MTNR1A: variants seen among roughly 807,000 people sequenced by gnomAD.
MTNR1A encodes the protein melatonin receptor type 1A.
Under a neutral mutation model 5.5 loss-of-function variants are expected in MTNR1A, and 7 were observed. The ratio of observed to expected loss-of-function variants is 1.28; its 90% CI spans 0.73 to 2.40. MTNR1A has a LOEUF of 2.40. MTNR1A is among the 30% of genes most tolerant of loss of function. MTNR1A has a pLI of 0.00. For synonymous variants in MTNR1A, 196 were observed against 202.7 expected (o/e 0.97, Z 0.28); for missense variants, 441 against 464.4 (o/e 0.95, Z 0.46).
chr4:186,548,666 T>C (rs1331310082), intron 1 of MTNR1A, among the ~76,000 whole-genome samples: 2 of 151,600 alleles, frequency 1.3e-5, no homozygotes. Context: ...ACTTGCCCTA[T>C]GTCACACGCA....
At chr4:186,546,873 C>T (rs1250931001) in intron 1 of MTNR1A, among the ~76,000 whole-genome samples, 6 of 142,126 alleles carry the variant, frequency 4.2e-5, no homozygotes, top group Admixed American at 2.7e-4. Flanking sequence ...ACCGTCCACA[C>T]CACACCCTGT....
chr4:186,546,122 G>A (rs1293676436), intron 1 of MTNR1A, among the ~76,000 whole-genome samples: 1 of 152,140 alleles, frequency 6.6e-6, no homozygotes, highest in Non-Finnish European at 1.5e-5. Context: ...AGCTGCTTAG[G>A]GCCGTGGTGA....
At chr4:186,542,170 A>G (rs1314114572) in intron 1 of MTNR1A, among the ~76,000 whole-genome samples, 1 of 152,186 alleles carries the variant, frequency 6.6e-6, no homozygotes, top group Non-Finnish European at 1.5e-5. Flanking sequence ...TGGAGATAAC[A>G]CCAGCGGAGC....
In MTNR1A at chr4:186,555,285, C is replaced by T. The variant is rs1179221602; in HGVS notation, c.81G>A (p.Ala27=). The part of the protein sequence containing the change: ...RGDGARPSWL[A]SALACVLIFT... ...AGATGAGGACGCAGGCCAGGGCGGA[C>T]GCCAGCCACGAGGGCCGCGCGCCGT... The change falls in exon 1 of 2, where the codon GCG becomes GCA. Residue 27 remains alanine, a synonymous_variant. Transcript: ENST00000307161. The surrounding 1 kb of genome is among the most constrained non-coding windows in gnomAD (Gnocchi z 4.1). The T allele has an allele frequency of 1.9e-6, 3 of 1,549,650 alleles. No homozygotes were observed. In the Admixed American group the frequency reaches 5.9e-5, roughly 30 times the overall value.
At chr4:186,534,817 T>C (rs116240639) in intron 1 of MTNR1A, among the ~76,000 whole-genome samples, 3,128 of 152,284 alleles carry the variant, frequency 0.021, 53 homozygotes, top group Non-Finnish European at 0.028. Context: ...TTTCAAACCG[T>C]TCGGCTTCTC....
At chr4:186,547,973 C>T (rs1398779582) in intron 1 of MTNR1A, among the ~76,000 whole-genome samples, 1 of 152,214 alleles carries the variant, frequency 6.6e-6, no homozygotes, top group South Asian at 2.1e-4. Context: ...ATCCACAGTA[C>T]AGCCTGACTG....
rs909680217 is a variant in MTNR1A at position 186,555,413 on chromosome 4, C to T, written c.-48G>A. On this transcript the variant is annotated 5_prime_UTR_variant, in exon 1 of 2. Coordinates refer to ENST00000307161, the MANE Select transcript of MTNR1A (RefSeq NM_005958.4). This position sits in a 1 kb window ranked among gnomAD's most constrained non-coding sequence, Gnocchi z 4.1. ...GCGGGGCCATCGCCCGCCTCGTCCG[C>T]CCGCCCGACCACTTGTTAAGGCTCC... 8.2e-6 allele frequency: 11 copies of T among 1,335,324 alleles called. No homozygotes were observed. The African/African-American group carries it at 1.7e-4, about 21-fold the overall frequency. 82.7% of individuals were successfully genotyped at this position (1,335,324 alleles called of 1,614,324 possible).
chr4:186,542,248 G>A (rs1737041748), intron 1 of MTNR1A, among the ~76,000 whole-genome samples: 1 of 152,174 alleles, frequency 6.6e-6, no homozygotes, highest in African/African-American at 2.4e-5. Flanking sequence ...CATCATCAAA[G>A]GGAGCAGTGG....
chr4:186,543,314 G>A (rs186170285), intron 1 of MTNR1A, among the ~76,000 whole-genome samples: 3 of 152,312 alleles, frequency 2.0e-5, no homozygotes, highest in African/African-American at 7.2e-5. Flanking sequence ...CATGCCCTGG[G>A]ATTGAAGCCA....
chr4:186,548,846 T>C (rs1341224767), intron 1 of MTNR1A, among the ~76,000 whole-genome samples: 15 of 50,280 alleles, frequency 3.0e-4, no homozygotes, highest in South Asian at 1.6e-3. Flanking sequence ...TATATATATA[T>C]ACACTATATA....
rs1309802252 is a variant in MTNR1A at position 186,533,888 on chromosome 4, T to C, written c.854A>G (p.Tyr285Cys). ...AATGGCATTGAGGCAGCTGTTGAAA[T>C]ACGCCATGTAGTAACTGGCCACAAA... ...WLFVASYYMA[Y>C]FNSCLNAIIY... is the part of the protein sequence containing the mutation. Residue 285 changes from tyrosine to cysteine, a missense_variant, in exon 2 of 2, where the codon TAT becomes TGT. By Grantham distance (194) the Tyr-to-Cys change is radical (BLOSUM62 -2). Coordinates refer to ENST00000307161, the MANE Select transcript of MTNR1A (RefSeq NM_005958.4). The C allele has an allele frequency of 2.5e-6, 4 of 1,613,972 alleles. No homozygotes were observed. In the African/African-American group the frequency reaches 5.3e-5, roughly 22 times the overall value.
rs957028489 is a variant in MTNR1A at position 186,555,044 on chromosome 4, G to A, written c.184+138C>T. On this transcript the variant is annotated intron_variant, in intron 1 of 1. Transcript: ENST00000307161. The surrounding 1 kb of genome is among the most constrained non-coding windows in gnomAD (Gnocchi z 4.1). The stretch of plus-strand genomic sequence containing the variant: ...CACTTTCAACGGGCAGGCTGGAGAA[G>A]AGTCCTCTCTAACAGGAAAAATAAC... 1 of 992,224 alleles carries A rather than the reference G, an allele frequency of 1.0e-6. No homozygotes were observed. Among genetic ancestry groups the A allele is most frequent in the Non-Finnish European group, 1.5e-6 (1 of 651,780 alleles). The allele number at this position is 992,224 out of a possible 1,614,324, so 61.5% of individuals were successfully genotyped here. A position where few individuals can be genotyped will look rare whatever the true frequency, so the allele number is the denominator to read the frequency against.
intron 1 of MTNR1A, among the ~76,000 whole-genome samples, chr4:186,535,442 T>A (rs1736823784): frequency 6.6e-6 from 1 of 152,122 alleles, no homozygotes. Flanking sequence ...GACAGAGTCT[T>A]GTTCTGTCAC....
chr4:186,548,749 C>T (rs1737205227), intron 1 of MTNR1A, among the ~76,000 whole-genome samples: 1 of 139,768 alleles, frequency 7.2e-6, no homozygotes, highest in Non-Finnish European at 1.5e-5. Context: ...GGACACATCC[C>T]AAAAAAAATG....
At chr4:186,536,345 T>TA (rs1560893135) in intron 1 of MTNR1A, among the ~76,000 whole-genome samples, 1,710 of 142,558 alleles carry the variant, frequency 0.012, 24 homozygotes, top group African/African-American at 0.042. Flanking sequence ...AAACTCCGTA[T>TA]CAAAAAAAAA....
intron 1 of MTNR1A, among the ~76,000 whole-genome samples, chr4:186,551,152 T>C (rs531291140): frequency 5.1e-4 from 78 of 152,328 alleles, no homozygotes; most frequent in African/African-American, 1.8e-3. Flanking sequence ...CGTAGGTTTT[T>C]GAATGGTAGC....
chr4:186,534,562 AAG>A lies in MTNR1A; in HGVS notation c.185-7_185-6del, dbSNP rs768599353. On this transcript the variant is annotated splice_polypyrimidine_tract_variant and splice_region_variant and intron_variant, in intron 1 of 1. Coordinates refer to ENST00000307161, the MANE Select transcript of MTNR1A (RefSeq NM_005958.4). ...AGCTCACCACAAAGATGTTTCCTGA[AAG>A]AGAATCGTTTAGAAAATACAGTGAA... 2 of 1,609,954 alleles carry A rather than the reference AAG, an allele frequency of 1.2e-6. No individual in the cohort carries two copies. Among genetic ancestry groups the A allele is most frequent in the South Asian group, 1.1e-5 (1 of 91,068 alleles).
At chr4:186,544,974 G>C (rs988797446) in intron 1 of MTNR1A, among the ~76,000 whole-genome samples, 4 of 152,110 alleles carry the variant, frequency 2.6e-5, no homozygotes, top group African/African-American at 9.7e-5. Flanking sequence ...CAACTCCACT[G>C]GATTTACGCC....
chr4:186,554,829 A>G (rs1026012179), intron 1 of MTNR1A, among the ~76,000 whole-genome samples: 3 of 152,202 alleles, frequency 2.0e-5, no homozygotes, highest in African/African-American at 7.2e-5. Context: ...TCACATGTTA[A>G]GACCAAGCAA....
Sources: allele counts gnomAD v4.1 joint callset (sites outside exome capture counted in the v4.1 genomes callset), GRCh38; gene constraint gnomAD v4.1.1; non-coding constraint Gnocchi (gnomAD v3.1); transcripts MANE v1.5; gene names NCBI Gene and HGNC (gene_info 2026-07-23, HGNC 2026-07-21).